EVC2: variants seen among roughly 807,000 people sequenced by gnomAD.
EVC2 encodes limbin.
In EVC2, 148 loss-of-function variants were observed where a neutral mutation model predicts 149.3. The ratio of observed to expected loss-of-function variants is 0.99; its 90% CI spans 0.87 to 1.14. The LOEUF (loss-of-function observed/expected upper bound fraction) is 1.14, where lower values mean the gene tolerates loss of function less well. EVC2 is among the 50% of genes most tolerant of loss of function. EVC2 has a pLI of 0.00. For missense variants in EVC2, 1,854 were observed against 1,627.3 expected (o/e 1.14, Z -2.40); for synonymous variants, 776 against 649.9 (o/e 1.19, Z -2.95).
chr4:5,559,325 T>C (rs569676125), downstream of EVC2, among the ~76,000 whole-genome samples: 36 of 152,332 alleles, frequency 2.4e-4, no homozygotes, highest in South Asian at 4.8e-3. This position sits in a 1 kb window ranked among gnomAD's most constrained non-coding sequence, Gnocchi z 5.0. Flanking sequence ...GATTATTACA[T>C]TGAAAATATT....
chr4:5,691,760 C>T (rs1721136870), intron 3 of EVC2, among the ~76,000 whole-genome samples: 1 of 152,178 alleles, frequency 6.6e-6, no homozygotes, highest in South Asian at 2.1e-4. Flanking sequence ...GGGGCAGCCT[C>T]TCTGTGAGCT....
At chr4:5,700,937 T>G (rs926930427) in intron 1 of EVC2, among the ~76,000 whole-genome samples, 1 of 152,234 alleles carries the variant, frequency 6.6e-6, no homozygotes, top group Non-Finnish European at 1.5e-5. Flanking sequence ...TACACATCAC[T>G]GCAAATGTAG....
rs1716053416 is a variant in EVC2 at position 5,625,680 on chromosome 4, A to G, written c.2046+69T>C. On this transcript the variant is annotated intron_variant, in intron 13 of 21. Transcript: ENST00000344408. This position sits in a 1 kb window ranked among gnomAD's most constrained non-coding sequence, Gnocchi z 4.0. ...GTTCACCAATGGCAATGTCTGGCAC[A>G]GTACCTGGCACTTGATGGGTATCAG... 1 of 1,598,824 alleles carries G rather than the reference A, an allele frequency of 6.3e-7. No individual in the cohort carries two copies. The highest frequency in any genetic ancestry group is 8.6e-7 in the Non-Finnish European group (1 of 1,168,894).
At position 5,622,024 on chromosome 4, in the gene EVC2, T is replaced by C. The variant is rs1715723388; in HGVS notation, c.2501+513A>G. On this transcript the variant is annotated intron_variant, in intron 14 of 21. Coordinates refer to ENST00000344408, the MANE Select transcript of EVC2 (RefSeq NM_147127.5). The surrounding 1 kb of genome is among the most constrained non-coding windows in gnomAD (Gnocchi z 5.8). ...GGGATGAAAGGGCCAGGTGAAAAGA[T>C]GATGCAGTGTGGTGGAAGAACTAAC... Among the ~76,000 whole-genome samples the C allele has an allele frequency of 6.6e-6, 1 of 151,730 alleles. No individual in the cohort carries two copies. Among genetic ancestry groups the C allele is most frequent in the Non-Finnish European group, 1.5e-5 (1 of 67,962 alleles).
At chr4:5,551,128 A>G (rs538503970) in intron 21 of EVC2, among the ~76,000 whole-genome samples, 2 of 152,108 alleles carry the variant, frequency 1.3e-5, no homozygotes, top group East Asian at 3.9e-4. Flanking sequence ...CAGAGTCCCT[A>G]CTGGGGCATC....
intron 21 of EVC2, among the ~76,000 whole-genome samples, chr4:5,547,697 C>T (rs1429556916): frequency 6.6e-6 from 1 of 152,186 alleles, no homozygotes; most frequent in South Asian, 2.1e-4. Context: ...ACCTTGCTTA[C>T]CCTCCACTTG....
At chr4:5,642,377 C>CT (rs139608818) in intron 9 of EVC2, among the ~76,000 whole-genome samples, 1 of 151,962 alleles carries the variant, frequency 6.6e-6, no homozygotes. Context: ...ATTTTATCCT[C>CT]TTTTTTTCCC....
Position 5,617,109 on chromosome 4 carries a change from AAATT to A in EVC2, c.2706+1365_2706+1368del, listed in dbSNP as rs537033819. Among the ~76,000 whole-genome samples the A allele has an allele frequency of 3.0e-3, 459 of 152,336 alleles. 1 individual carries two copies. Among genetic ancestry groups the A allele is most frequent in the African/African-American group, 0.011 (447 of 41,550 alleles). ...AAAAAAACAACAGTACTTAAAAAAA[AAATT>A]AAAAGAATGTCAAAGATTCCAAGTT... On this transcript the variant is annotated intron_variant, in intron 15 of 21. Transcript: ENST00000344408.
chr4:5,683,380 G>C (rs974131545), intron 6 of EVC2, among the ~76,000 whole-genome samples: 3 of 152,174 alleles, frequency 2.0e-5, no homozygotes, highest in African/African-American at 7.2e-5. Context: ...CTTGTCTTCA[G>C]CTCTTTGTGA....
chr4:5,561,011 A>C (rs1169688451), downstream of EVC2, among the ~76,000 whole-genome samples: 3 of 152,196 alleles, frequency 2.0e-5, no homozygotes, highest in African/African-American at 7.2e-5. Context: ...ATTAGGTTCA[A>C]ATGCTAGATT....
chr4:5,564,564 G>A (rs901670486), intron 21 of EVC2, among the ~76,000 whole-genome samples: 11 of 152,204 alleles, frequency 7.2e-5, no homozygotes, highest in African/African-American at 1.9e-4. Context: ...AGACATGTCC[G>A]TTGAACAGCC....
intron 19 of EVC2, among the ~76,000 whole-genome samples, chr4:5,572,703 G>C (rs916068989): frequency 1.3e-5 from 2 of 152,192 alleles, no homozygotes; most frequent in African/African-American, 4.8e-5. Context: ...TGCATACAGA[G>C]TTCACAATTT....
At chr4:5,584,516 GCA>G in intron 17 of EVC2, 105 bp downstream of exon 17, 1 of 1,154,966 alleles carries the variant, frequency 8.7e-7, no homozygotes, top group Non-Finnish European at 1.3e-6. Context: ...CAACCCCACA[GCA>G]CAGACAGGAC....
intron 16 of EVC2, among the ~76,000 whole-genome samples, chr4:5,609,168 T>C (rs1714630395): frequency 6.6e-6 from 1 of 152,104 alleles, no homozygotes; most frequent in Admixed American, 6.5e-5. Flanking sequence ...TCCAATTCCC[T>C]GAATAAATCT....
At chr4:5,556,779 C>T (rs529669712) in intron 21 of EVC2, among the ~76,000 whole-genome samples, 8 of 152,222 alleles carry the variant, frequency 5.3e-5, no homozygotes, top group Non-Finnish European at 7.4e-5. Flanking sequence ...ACAGTAAAAG[C>T]ATCATAAAAG....
At chr4:5,708,126 G>A (rs1722334660) in intron 1 of EVC2, 160 bp downstream of exon 1, 5 of 569,770 alleles carry the variant, frequency 8.8e-6, no homozygotes, top group Non-Finnish European at 1.4e-5. Flanking sequence ...CTTTCTGGCC[G>A]TGAGCGGGAT....
Position 5,567,810 on chromosome 4 carries a change from A to G in EVC2, c.3557+634T>C, listed in dbSNP as rs775689649. ...TTAGCATGAGGAGCCAGTAAAAATA[A>G]TATCCACCTGTGCCACGTGTCAATA... On this transcript the variant is annotated intron_variant, in intron 20 of 21. Coordinates refer to ENST00000344408, the MANE Select transcript of EVC2 (RefSeq NM_147127.5). This position sits in a 1 kb window ranked among gnomAD's most constrained non-coding sequence, Gnocchi z 4.4. Among the ~76,000 whole-genome samples the G allele has an allele frequency of 4.6e-5, 7 of 152,230 alleles. No homozygotes were observed. Among genetic ancestry groups the G allele is most frequent in the Non-Finnish European group, 5.9e-5 (4 of 68,042 alleles).
chr4:5,566,020 G>T (rs116338291), intron 20 of EVC2, among the ~76,000 whole-genome samples: 404 of 152,356 alleles, frequency 2.7e-3, no homozygotes, highest in African/African-American at 8.7e-3. Context: ...CGCAAGCAGG[G>T]CTTTGTCTCT....
At chr4:5,541,402 A>G (rs567931425), downstream of EVC2, among the ~76,000 whole-genome samples, 1 of 152,210 alleles carries the variant, frequency 6.6e-6, no homozygotes, top group African/African-American at 2.4e-5. Context: ...GCTCGGAAGC[A>G]GTTATTTCAA....
Sources: allele counts gnomAD v4.1 joint callset (sites outside exome capture counted in the v4.1 genomes callset), GRCh38; gene constraint gnomAD v4.1.1; non-coding constraint Gnocchi (gnomAD v3.1); transcripts MANE v1.5; gene names NCBI Gene and HGNC (gene_info 2026-07-23, HGNC 2026-07-21).